The following HOXA3 variants were observed in gnomAD, a reference collection of about 807,000 sequenced individuals.
HOXA3 encodes the protein homeobox protein Hox-A3.
HOXA3 carries 8 observed loss-of-function variants against 30.3 expected under a neutral mutation model. The ratio of observed to expected loss-of-function variants is 0.26; its 90% CI spans 0.15 to 0.48. The LOEUF (loss-of-function observed/expected upper bound fraction) is 0.48, where lower values mean the gene tolerates loss of function less well. HOXA3 is among the 20% of genes least tolerant of loss of function. The pLI is 0.99. For missense variants in HOXA3, 653 were observed against 614.4 expected (o/e 1.06, Z -0.66); for synonymous variants, 323 against 273.1 (o/e 1.18, Z -1.80).
intron 4 of HOXA3, among the ~76,000 whole-genome samples, chr7:27,112,084 T>C (rs1419745606): frequency 2.0e-5 from 3 of 152,254 alleles, no homozygotes; most frequent in Non-Finnish European, 4.4e-5. Context: ...GAAAGCAGTT[T>C]GCAAAAGTTA....
chr7:27,129,520 G>C (rs1208260985), intron 2 of HOXA3: 1 of 1,613,996 alleles, frequency 6.2e-7, no homozygotes, highest in African/African-American at 1.3e-5. Context: ...CTGCTGCCGG[G>C]TGTAGGCGGT....
In HOXA3 at chr7:27,140,001, C is replaced by CAGAG. The variant is rs56225492; in HGVS notation, c.-390+78_-390+81dup. On this transcript the variant is annotated intron_variant, in intron 2 of 5. Coordinates refer to ENST00000612286, the MANE Select transcript of HOXA3 (RefSeq NM_153631.3). The stretch of plus-strand genomic sequence containing the variant: ...TCAGAGGCAGCCTGAGTTATTGAAC[C>CAGAG]AGAGAGAGAGAGAGAGAGAGAGAGA... 73 of 142,398 alleles carry CAGAG rather than the reference C, an allele frequency of 5.1e-4. 2 individuals carry two copies. The highest frequency in any genetic ancestry group is 1.5e-3 in the African/African-American group (53 of 36,252). 8.8% of individuals were successfully genotyped at this position (142,398 alleles called of 1,614,324 possible). A position where few individuals can be genotyped will look rare whatever the true frequency, so the allele number is the denominator to read the frequency against.
At chr7:27,142,119 C>T (rs753574439) in intron 1 of HOXA3, 1 of 1,598,926 alleles carries the variant, frequency 6.3e-7, no homozygotes, top group South Asian at 1.1e-5. Flanking sequence ...TAGCCACCAA[C>T]TCCTGTCTTC....
rs1784162224 is a variant in HOXA3 at position 27,108,511 on chromosome 7, A to G, written c.736T>C (p.Tyr246His). The G allele has an allele frequency of 1.2e-6, 2 of 1,613,654 alleles. No homozygotes were observed. The highest frequency in any genetic ancestry group is 2.7e-5 in the African/African-American group (2 of 74,748). Residue 246 changes from tyrosine to histidine, a missense_variant, in exon 6 of 6, where the codon TAC becomes CAC. Physicochemically the swap from Tyr to His is moderately conservative, Grantham distance 83 (BLOSUM62 2). Around this residue, in one of 3 missense-constraint regions of HOXA3, gnomAD observed 3 missense variants for 18.1 expected, o/e 0.17. Coordinates refer to ENST00000612286, the MANE Select transcript of HOXA3 (RefSeq NM_153631.3). This position sits in a 1 kb window ranked among gnomAD's most constrained non-coding sequence, Gnocchi z 5.0. ...CCCTTGCCCTTCTGATCCTTTTTGT[A>G]CTTCATGCGGCGATTCTGGAACCAG... ...KIWFQNRRMK[Y>H]KKDQKGKGML... is the part of the protein sequence containing the mutation.
At position 27,108,823 on chromosome 7, in the gene HOXA3, T is replaced by A. The variant is rs936574839; in HGVS notation, c.527-103A>T. 8.5e-5 allele frequency: 71 copies of A among 834,036 alleles called. No individual in the cohort carries two copies. Among genetic ancestry groups the A allele is most frequent in the Non-Finnish European group, 1.2e-4 (68 of 546,518 alleles). 51.7% of individuals were successfully genotyped at this position (834,036 alleles called of 1,614,324 possible). On this transcript the variant is annotated intron_variant, in intron 5 of 5. Coordinates refer to ENST00000612286, the MANE Select transcript of HOXA3 (RefSeq NM_153631.3). The surrounding 1 kb of genome is among the most constrained non-coding windows in gnomAD (Gnocchi z 5.0). ...CCTTCCACCAGGCCCCAAAGGTTCC[T>A]GCATCCGTCAGGTCCCAGAGAGAAG...
Position 27,108,081 on chromosome 7 carries a change from G to A in HOXA3, c.1166C>T (p.Pro389Leu), listed in dbSNP as rs771076275. 2 of 1,612,844 alleles carry A rather than the reference G, an allele frequency of 1.2e-6. No homozygotes were observed. The highest frequency in any genetic ancestry group is 1.1e-5 in the South Asian group (1 of 91,020). ...GTCCATGGCGCCCGAGGCAGCGTGG[G>A]GGAGGTGAGTTAGACCAAAGAGGGC... ...GPALFGLTHL[P>L]HAASGAMDYG... Residue 389 changes from proline to leucine, a missense_variant, in exon 6 of 6, where the codon CCC becomes CTC. Pro to Leu is a moderately conservative substitution (Grantham distance 98, BLOSUM62 -3). Transcript: ENST00000612286. The surrounding 1 kb of genome is among the most constrained non-coding windows in gnomAD (Gnocchi z 5.0).
intron 2 of HOXA3, among the ~76,000 whole-genome samples, chr7:27,139,114 G>T (rs1785809209): frequency 6.6e-6 from 1 of 152,208 alleles, no homozygotes; most frequent in Non-Finnish European, 1.5e-5. Context: ...AGAGGAACAG[G>T]AAAGAAGAGA....
chr7:27,130,388 G>A (rs1189321990), intron 2 of HOXA3: 19 of 1,155,070 alleles, frequency 1.6e-5, no homozygotes, highest in Non-Finnish European at 2.0e-5. Context: ...GGCTGCTCGG[G>A]CTGGGGCGGC....
In HOXA3 at chr7:27,110,725, G is replaced by C; in HGVS notation, c.-85C>G. ...CACATTGGCACGCCCCCGCGGTCAC[G>C]TGACACTCCGCCGCCAATGGCCGCC... On this transcript the variant is annotated 5_prime_UTR_variant, in exon 5 of 6. Coordinates refer to ENST00000612286, the MANE Select transcript of HOXA3 (RefSeq NM_153631.3). The C allele has an allele frequency of 4.5e-6, 7 of 1,570,220 alleles. No individual in the cohort carries two copies. The highest frequency in any genetic ancestry group is 6.1e-6 in the Non-Finnish European group (7 of 1,152,262).
chr7:27,111,586 T>C (rs1784382326), intron 4 of HOXA3, among the ~76,000 whole-genome samples: 1 of 152,010 alleles, frequency 6.6e-6, no homozygotes, highest in Non-Finnish European at 1.5e-5. Flanking sequence ...TCTTTACTCC[T>C]TTCCTCTCCC....
chr7:27,130,272 C>T (rs866363934), intron 2 of HOXA3: 3 of 1,144,060 alleles, frequency 2.6e-6, no homozygotes, highest in African/African-American at 3.3e-5. Context: ...CGCAGCGCCG[C>T]GGGGCCGCTG....
chr7:27,110,973 A>G (rs1046443132), intron 4 of HOXA3, among the ~76,000 whole-genome samples: 12 of 145,836 alleles, frequency 8.2e-5, no homozygotes, highest in Admixed American at 6.9e-4. Context: ...GAGTTGGGGG[A>G]TTTTCCGGGG....
At chr7:27,149,010 A>T (rs1161795940) in intron 1 of HOXA3, among the ~76,000 whole-genome samples, 2 of 152,242 alleles carry the variant, frequency 1.3e-5, no homozygotes. Context: ...GCCGCCCCTC[A>T]GTCGCTCCGG....
chr7:27,147,764 G>A (rs768957337), intron 1 of HOXA3: 56 of 1,595,536 alleles, frequency 3.5e-5, no homozygotes, highest in Non-Finnish European at 4.4e-5. Flanking sequence ...GCGCCCCTCT[G>A]CAGGACTGTG....
intron 1 of HOXA3, chr7:27,142,090 A>G: frequency 1.9e-6 from 3 of 1,611,476 alleles, no homozygotes; most frequent in Middle Eastern, 1.7e-4. Flanking sequence ...TGTTGTCTGC[A>G]ATAGAAAAGT....
At chr7:27,118,416 G>A (rs774116789) in intron 4 of HOXA3, among the ~76,000 whole-genome samples, 4 of 152,192 alleles carry the variant, frequency 2.6e-5, no homozygotes, top group East Asian at 1.9e-4. Context: ...GTGGTCATAC[G>A]TCAACTTAAA....
chr7:27,147,544 C>T (rs368790713), intron 1 of HOXA3: 1 of 1,614,030 alleles, frequency 6.2e-7, no homozygotes, highest in African/African-American at 1.3e-5. Context: ...GTAGGACGCC[C>T]GGTTGCAGGC....
intron 2 of HOXA3, among the ~76,000 whole-genome samples, chr7:27,133,888 T>C (rs1785637701): frequency 6.6e-6 from 1 of 152,222 alleles, no homozygotes; most frequent in Admixed American, 6.5e-5. Context: ...GACATTTTCA[T>C]ATTTGTTAGA....
intron 2 of HOXA3, chr7:27,129,140 T>C (rs1583394702): frequency 1.2e-6 from 1 of 853,352 alleles, no homozygotes; most frequent in East Asian, 2.4e-5. Flanking sequence ...ATGGTCCAGA[T>C]GGGGAGGGGT....
Sources: gnomAD v4.1 joint callset for allele counts (sites outside exome capture counted in the v4.1 genomes callset) on GRCh38, gnomAD v4.1.1 for gene constraint, gnomAD v4.1.1 regional missense constraint, Gnocchi (gnomAD v3.1) non-coding constraint, MANE v1.5 for transcripts, NCBI Gene and HGNC (gene_info 2026-07-23, HGNC 2026-07-21) for gene names.